Variants in TBC1D1 observed in about 807,000 individuals in gnomAD.
TBC1D1 encodes the protein TBC1 (tre-2/USP6, BUB2, cdc16) domain family, member 1.
A neutral mutation model predicts 125.6 loss-of-function variants in TBC1D1; 89 were observed. The ratio of observed to expected loss-of-function variants is 0.71; its 90% CI spans 0.60 to 0.85. The LOEUF is 0.85. Ranked by LOEUF, TBC1D1 falls within the 40% of genes least tolerant of loss-of-function variation. TBC1D1 has a pLI of 0.00. For missense variants in TBC1D1, 1,377 were observed against 1,469.2 expected (o/e 0.94, Z 1.03); for synonymous variants, 565 against 564.1 (o/e 1.00, Z -0.02).
rs868811753 is a variant in TBC1D1, at chr4:38,053,804, C to T, written c.1911-395C>T. ...TTGTGGGAATCCTTGGAGACATGGGCCTGTGCTGAGCAGATATTCCCATGC... is the reference window on the plus strand; with the variant it reads ...TTGTGGGAATCCTTGGAGACATGGGTCTGTGCTGAGCAGATATTCCCATGC... On this transcript the variant is annotated intron_variant, in intron 11 of 19. Coordinates refer to ENST00000261439, the MANE Select transcript of TBC1D1 (RefSeq NM_015173.4). Among the ~76,000 whole-genome samples the T allele has an allele frequency of 3.3e-5, 5 of 152,278 alleles. No individual in the cohort carries two copies. In the South Asian group the frequency reaches 8.3e-4, roughly 25 times the overall value.
At chr4:37,990,321 T>TG (rs1268761450) in intron 2 of TBC1D1, among the ~76,000 whole-genome samples, 1 of 150,434 alleles carries the variant, frequency 6.6e-6, no homozygotes, top group South Asian at 2.1e-4. Context: ...AACATTGAGT[T>TG]TTTTTTTTTT....
At chr4:38,075,795 C>T (rs1020246790) in intron 12 of TBC1D1, among the ~76,000 whole-genome samples, 4 of 152,172 alleles carry the variant, frequency 2.6e-5, no homozygotes, top group Non-Finnish European at 4.4e-5. Context: ...CACAGAGTCT[C>T]ACTTCAGGAC....
rs1766912325 is a variant in TBC1D1 at position 38,138,001 on chromosome 4, G to C, written c.*666G>C. 6.6e-6 allele frequency: 1 copy of C among 152,456 alleles called. No individual in the cohort carries two copies. The highest frequency in any genetic ancestry group is 2.4e-5 in the African/African-American group (1 of 41,414). The allele number at this position is 152,456 out of a possible 1,614,324, so 9.4% of individuals were successfully genotyped here. A position where few individuals can be genotyped will look rare whatever the true frequency, so the allele number is the denominator to read the frequency against. On this transcript the variant is annotated 3_prime_UTR_variant, in exon 20 of 20. Transcript: ENST00000261439. Reference sequence around the variant, plus strand: ...TGTTCTACATCAGATTTTACTATTTGAATGTTTAAGATCACTTTATTGAAT... The same window carrying C: ...TGTTCTACATCAGATTTTACTATTTCAATGTTTAAGATCACTTTATTGAAT...
chr4:37,918,849 G>A (rs1022791835), intron 2 of TBC1D1, among the ~76,000 whole-genome samples: 4 of 152,126 alleles, frequency 2.6e-5, no homozygotes, highest in Admixed American at 6.5e-5. Context: ...GATGTATTAT[G>A]TGTATTCTGT....
At chr4:37,914,986 G>A (rs1719412972) in intron 2 of TBC1D1, among the ~76,000 whole-genome samples, 1 of 152,180 alleles carries the variant, frequency 6.6e-6, no homozygotes, top group African/African-American at 2.4e-5. Flanking sequence ...ATCTTGTTCA[G>A]ATATTATCAT....
At chr4:38,084,958 A>C (rs544038846) in intron 12 of TBC1D1, among the ~76,000 whole-genome samples, 41 of 152,348 alleles carry the variant, frequency 2.7e-4, no homozygotes, top group African/African-American at 9.4e-4. Context: ...GCTTTGTGAA[A>C]GTGCAAGAAA....
rs1345690277 is a variant in TBC1D1 at position 37,977,250 on chromosome 4, C to T, written c.418-37259C>T. On this transcript the variant is annotated intron_variant, in intron 2 of 19. Transcript: ENST00000261439. The surrounding 1 kb of genome is among the most constrained non-coding windows in gnomAD (Gnocchi z 4.3). ...GCGCGCCCTCCCCTCCTCTCCCCTC[C>T]TCCCCCCGCCCACCCCCTCCCCGCG... The T allele has an allele frequency of 6.9e-6, 1 of 145,696 alleles. No homozygotes were observed. Among genetic ancestry groups the T allele is most frequent in the Non-Finnish European group, 1.5e-5 (1 of 65,688 alleles). 9.0% of individuals were successfully genotyped at this position (145,696 alleles called of 1,614,324 possible).
intron 2 of TBC1D1, among the ~76,000 whole-genome samples, chr4:37,938,830 C>T (rs1056954545): frequency 2.6e-5 from 4 of 152,200 alleles, no homozygotes; most frequent in Non-Finnish European, 4.4e-5. Flanking sequence ...CCAGCTTCAT[C>T]CATGTCCCTA....
intron 2 of TBC1D1, among the ~76,000 whole-genome samples, chr4:37,904,049 A>G (rs897977322): frequency 1.3e-5 from 2 of 152,198 alleles, no homozygotes; most frequent in African/African-American, 4.8e-5. Context: ...CTACTTCTGC[A>G]CCCATAAACT....
At chr4:37,968,458 C>T (rs1442188052) in intron 2 of TBC1D1, among the ~76,000 whole-genome samples, 1 of 152,170 alleles carries the variant, frequency 6.6e-6, no homozygotes, top group Non-Finnish European at 1.5e-5. Context: ...TTCTGGCTAA[C>T]AAGAAACTAC....
chr4:38,067,967 G>A (rs962652244), intron 12 of TBC1D1, among the ~76,000 whole-genome samples: 4 of 152,144 alleles, frequency 2.6e-5, no homozygotes, highest in Admixed American at 1.3e-4. Flanking sequence ...GCCAATACGC[G>A]GATGTACCAG....
At chr4:38,099,146 C>T (rs67116068) in intron 14 of TBC1D1, among the ~76,000 whole-genome samples, 19,950 of 152,146 alleles carry the variant, frequency 0.13, 1,823 homozygotes, top group East Asian at 0.42. Flanking sequence ...TAAAAACTTA[C>T]TCTAGAAACT....
chr4:38,063,754 G>A (rs1753187489), intron 12 of TBC1D1, among the ~76,000 whole-genome samples: 1 of 151,852 alleles, frequency 6.6e-6, no homozygotes. Context: ...TCAGCGACCT[G>A]AGTAGCTGGG....
rs74629278 is a variant in TBC1D1 at position 37,911,488 on chromosome 4, G to A, written c.417+8976G>A. The stretch of plus-strand genomic sequence containing the variant: ...GGGAGGAGCCTGATGCAGGATTTTA[G>A]GGAAAGAGGTGGACTTGAGTGTGGT... On this transcript the variant is annotated intron_variant, in intron 2 of 19. Coordinates refer to ENST00000261439, the MANE Select transcript of TBC1D1 (RefSeq NM_015173.4). Among the ~76,000 whole-genome samples, 511 of 152,258 alleles carry A rather than the reference G, an allele frequency of 3.4e-3. 2 individuals carry two copies. The highest frequency in any genetic ancestry group is 0.012 in the African/African-American group (489 of 41,544).
chr4:38,037,054 T>C (rs903066684), intron 8 of TBC1D1, among the ~76,000 whole-genome samples: 19 of 152,166 alleles, frequency 1.2e-4, no homozygotes, highest in African/African-American at 4.3e-4. Context: ...TCTGAGTCAG[T>C]CTGACTTGTT....
At chr4:37,928,809 C>T (rs554027358) in intron 2 of TBC1D1, among the ~76,000 whole-genome samples, 6 of 152,276 alleles carry the variant, frequency 3.9e-5, no homozygotes, top group South Asian at 2.1e-4. Flanking sequence ...AAACGGATGC[C>T]GTTATAACTT....
At chr4:38,120,503 T>C (rs1763677728) in intron 17 of TBC1D1, among the ~76,000 whole-genome samples, 1 of 152,230 alleles carries the variant, frequency 6.6e-6, no homozygotes, top group Non-Finnish European at 1.5e-5. Context: ...CTAGGGCCCA[T>C]TTCATTATAA....
At chr4:38,021,797 TG>T in intron 6 of TBC1D1, 79 bp downstream of exon 6, 1 of 1,350,892 alleles carries the variant, frequency 7.4e-7, no homozygotes, top group Non-Finnish European at 9.6e-7. Context: ...ACTCATCTGT[TG>T]GAAGATTCTG....
rs201933335 is a variant in TBC1D1 at position 38,118,203 on chromosome 4, G to C, written c.2962+11G>C. The C allele has an allele frequency of 6.2e-7, 1 of 1,613,798 alleles. No homozygotes were observed. The highest frequency in any genetic ancestry group is 8.5e-7 in the Non-Finnish European group (1 of 1,179,844). On this transcript the variant is annotated intron_variant, in intron 17 of 19. Coordinates refer to ENST00000261439, the MANE Select transcript of TBC1D1 (RefSeq NM_015173.4). ...TAGCCAGAGTCTTTGGTGAGCATTA[G>C]TAAATCTGTTTGCCAGAACCAGCCT...
Sources: gnomAD v4.1 joint callset for allele counts (sites outside exome capture counted in the v4.1 genomes callset) on GRCh38, gnomAD v4.1.1 for gene constraint, Gnocchi (gnomAD v3.1) non-coding constraint, MANE v1.5 for transcripts, NCBI Gene and HGNC (gene_info 2026-07-23, HGNC 2026-07-21) for gene names.